Variants in KDM4C observed in about 807,000 individuals in gnomAD.
KDM4C encodes the protein lysine demethylase 4C.
A neutral mutation model predicts 129.3 loss-of-function variants in KDM4C; 81 were observed. The ratio of observed to expected loss-of-function variants is 0.63; its 90% CI spans 0.52 to 0.75. KDM4C has a LOEUF of 0.75. KDM4C is among the 30% of genes least tolerant of loss of function. KDM4C has a pLI of 0.00. For synonymous variants in KDM4C, 573 were observed against 456.1 expected (o/e 1.26, Z -3.26); for missense variants, 1,457 against 1,304.0 (o/e 1.12, Z -1.81).
At chr9:7,002,210 A>G (rs895197388) in intron 12 of KDM4C, among the ~76,000 whole-genome samples, 6 of 152,060 alleles carry the variant, frequency 3.9e-5, no homozygotes, top group Non-Finnish European at 8.8e-5. Context: ...GTAGTTTTGA[A>G]CTCCATAAAG....
rs143901457 is a variant in KDM4C at position 6,849,749 on chromosome 9, G to A, written c.629+49G>A. 8,324 of 1,393,326 alleles carry A rather than the reference G, an allele frequency of 6.0e-3. 49 individuals carry two copies. The highest frequency in any genetic ancestry group is 7.3e-3 in the Non-Finnish European group (7,454 of 1,025,188). 86.3% of individuals were successfully genotyped at this position (1,393,326 alleles called of 1,614,324 possible). Reference sequence around the variant, plus strand: ...TTTACTTTGGAGTTTTGAAATTTGGGCATCAGGCACATATTGAAGAGGATT... The same window carrying A: ...TTTACTTTGGAGTTTTGAAATTTGGACATCAGGCACATATTGAAGAGGATT... On this transcript the variant is annotated intron_variant, in intron 5 of 21. Coordinates refer to ENST00000381309, the MANE Select transcript of KDM4C (RefSeq NM_015061.6).
intron 1 of KDM4C, among the ~76,000 whole-genome samples, chr9:6,746,379 C>G (rs1438010157): frequency 6.7e-6 from 1 of 149,856 alleles, no homozygotes; most frequent in African/African-American, 2.5e-5. Flanking sequence ...CGCCATTCTC[C>G]TGCCTCAGCC....
chr9:7,086,185 C>T (rs146056364), intron 17 of KDM4C, among the ~76,000 whole-genome samples: 1 of 152,240 alleles, frequency 6.6e-6, no homozygotes, highest in East Asian at 1.9e-4. Flanking sequence ...TTATTCTTTT[C>T]CAGCATATTT....
chr9:7,115,746 A>C (rs1378148654), intron 18 of KDM4C, among the ~76,000 whole-genome samples: 1 of 152,246 alleles, frequency 6.6e-6, no homozygotes, highest in African/African-American at 2.4e-5. Flanking sequence ...TATGATACAC[A>C]AAAGTCTGGA....
chr9:6,792,449 C>T (rs997475073), intron 1 of KDM4C, among the ~76,000 whole-genome samples: 4 of 151,944 alleles, frequency 2.6e-5, no homozygotes, highest in Admixed American at 1.3e-4. Flanking sequence ...AGTGCAGTGG[C>T]GAGATCTTGG....
At chr9:7,162,722 A>C (rs1220941750) in intron 19 of KDM4C, among the ~76,000 whole-genome samples, 1 of 152,104 alleles carries the variant, frequency 6.6e-6, no homozygotes, top group Non-Finnish European at 1.5e-5. Flanking sequence ...GCAAATCTGT[A>C]AAATTAAGGA....
Position 7,174,617 on chromosome 9 carries a change from G to A in KDM4C, c.3059G>A (p.Arg1020Lys). The A allele has an allele frequency of 2.5e-6, 4 of 1,614,200 alleles. No homozygotes were observed. The South Asian group carries it at 4.4e-5, about 18-fold the overall frequency. ...FYGADIIQGE[R>K]KRQRVLSSRF... is the part of the protein sequence containing the mutation. ...GGAGCAGACATTATCCAAGGGGAGA[G>A]AAAGAGACAAAGAGTGCTGAGCTCC... The change falls in exon 22 of 22, where the codon AGA (arginine) becomes AAA (lysine). Residue 1020 changes from arginine to lysine, a missense_variant. Transcript: ENST00000381309.
chr9:7,014,489 G>A (rs1823289360), intron 14 of KDM4C, among the ~76,000 whole-genome samples: 1 of 152,062 alleles, frequency 6.6e-6, no homozygotes, highest in East Asian at 1.9e-4. Context: ...AGTCATTACA[G>A]TTGTTTTACC....
intron 19 of KDM4C, among the ~76,000 whole-genome samples, chr9:7,131,355 T>C (rs1840616977): frequency 6.6e-6 from 1 of 152,208 alleles, no homozygotes; most frequent in South Asian, 2.1e-4. Context: ...GCTGACTCTA[T>C]AGGGGAAGTT....
chr9:6,865,156 C>A (rs556265328), intron 5 of KDM4C, among the ~76,000 whole-genome samples: 24 of 151,746 alleles, frequency 1.6e-4, no homozygotes, highest in East Asian at 5.8e-4. Flanking sequence ...CTGCAGGTGC[C>A]CGCCACCACA....
At chr9:6,925,584 T>G in intron 8 of KDM4C, 2 of 985,450 alleles carry the variant, frequency 2.0e-6, no homozygotes, top group South Asian at 9.4e-5. Flanking sequence ...GGAGCCACCA[T>G]GCCTGGGCAG....
chr9:7,009,597 A>G (rs1822312239), intron 12 of KDM4C, among the ~76,000 whole-genome samples: 1 of 152,170 alleles, frequency 6.6e-6, no homozygotes, highest in South Asian at 2.1e-4. Context: ...GCCTTGATTC[A>G]TGCTGAGACA....
chr9:7,164,310 T>G (rs1429384076), intron 19 of KDM4C, among the ~76,000 whole-genome samples: 1 of 151,062 alleles, frequency 6.6e-6, no homozygotes, highest in African/African-American at 2.4e-5. Flanking sequence ...GAACAAATGT[T>G]TAAATGTTTT....
chr9:6,886,524 C>A (rs569397754), intron 6 of KDM4C, among the ~76,000 whole-genome samples: 276 of 139,864 alleles, frequency 2.0e-3, no homozygotes, highest in African/African-American at 6.8e-3. Context: ...AGGAGTCTTA[C>A]TCTGTCATCC....
rs1349749114 is a variant in KDM4C at position 6,789,531 on chromosome 9, A to G, written c.-17-3441A>G. Among the ~76,000 whole-genome samples, 4 of 150,490 alleles carry G rather than the reference A, an allele frequency of 2.7e-5. No individual in the cohort carries two copies. The East Asian group carries it at 7.9e-4, about 30-fold the overall frequency. On this transcript the variant is annotated intron_variant, in intron 1 of 21. Transcript: ENST00000381309. Reference sequence around the variant, plus strand: ...CACTGTGCCCGGCCACGCCCAGCAAATTTTTATATTTTTTTTTAGAGACAG... The same window carrying G: ...CACTGTGCCCGGCCACGCCCAGCAAGTTTTTATATTTTTTTTTAGAGACAG...
intron 4 of KDM4C, 42 bp from the exon 5 acceptor site, chr9:6,849,465 G>T: frequency 6.8e-7 from 1 of 1,476,286 alleles, no homozygotes; most frequent in Non-Finnish European, 9.1e-7. Flanking sequence ...TCATGGTTTA[G>T]TAAGATTTGA....
At chr9:6,769,690 CAATATCATGCTACTGA>C (rs1289638499) in intron 1 of KDM4C, among the ~76,000 whole-genome samples, 1 of 152,136 alleles carries the variant, frequency 6.6e-6, no homozygotes, top group African/African-American at 2.4e-5. Flanking sequence ...GGATAGATCT[CAATATCATGCTACTGA>C]AGGAGTTTGT....
At chr9:7,042,571 C>G (rs930723036) in intron 15 of KDM4C, among the ~76,000 whole-genome samples, 4 of 151,924 alleles carry the variant, frequency 2.6e-5, no homozygotes, top group East Asian at 1.9e-4. Context: ...AAAAGGAGTT[C>G]TTGATTATTT....
At chr9:7,118,534 G>A (rs1359046962) in intron 18 of KDM4C, among the ~76,000 whole-genome samples, 1 of 152,158 alleles carries the variant, frequency 6.6e-6, no homozygotes, top group African/African-American at 2.4e-5. Context: ...TGCAATCCTT[G>A]TAGAAATTTT....
Sources: gnomAD v4.1 joint callset for allele counts (sites outside exome capture counted in the v4.1 genomes callset) on GRCh38, gnomAD v4.1.1 for gene constraint, MANE v1.5 for transcripts, NCBI Gene and HGNC (gene_info 2026-07-23, HGNC 2026-07-21) for gene names.